Variants in PRKN observed in about 807,000 individuals in gnomAD.
PRKN encodes the protein E3 ubiquitin-protein ligase parkin.
In PRKN, 56 loss-of-function variants were observed where a neutral mutation model predicts 59.5. The observed-to-expected ratio is 0.94, with a 90% CI of 0.76 to 1.18. The LOEUF is 1.18. PRKN is among the 50% of genes most tolerant of loss of function. PRKN has a pLI of 0.00. For synonymous variants in PRKN, 250 were observed against 222.1 expected (o/e 1.13, Z -1.12); for missense variants, 657 against 596.4 (o/e 1.10, Z -1.06).
rs115045111 is a variant in PRKN, at chr6:161,500,088, G to T, written c.1083+48766C>A. Among the ~76,000 whole-genome samples the T allele has an allele frequency of 4.7e-3, 712 of 152,218 alleles. 7 individuals carry two copies. The highest frequency in any genetic ancestry group is 0.017 in the Middle Eastern group (5 of 294). ...AGTTGAAATGTTAATGAAAATCAAT[G>T]CATCCTTACTATTATCTAAAGTCAG... On this transcript the variant is annotated intron_variant, in intron 9 of 11. Transcript: ENST00000366898.
intron 9 of PRKN, among the ~76,000 whole-genome samples, chr6:161,437,239 G>A (rs1009469248): frequency 1.3e-5 from 2 of 152,064 alleles, no homozygotes; most frequent in African/African-American, 4.8e-5. Context: ...ATTGTCCTGC[G>A]CTCATCCTTC....
intron 9 of PRKN, among the ~76,000 whole-genome samples, chr6:161,404,096 G>A (rs1055886580): frequency 5.3e-5 from 8 of 152,020 alleles, no homozygotes; most frequent in Non-Finnish European, 1.0e-4. Context: ...CCCAGGCCTG[G>A]GTTTGCTGTT....
chr6:162,093,560 T>C (rs1008621374), intron 4 of PRKN, among the ~76,000 whole-genome samples: 4 of 152,162 alleles, frequency 2.6e-5, no homozygotes, highest in African/African-American at 7.2e-5. Flanking sequence ...ATTTAGCCCA[T>C]TACTTTGGTT....
chr6:161,484,159 C>A lies in PRKN; in HGVS notation c.1083+64695G>T, dbSNP rs1257639811. On this transcript the variant is annotated intron_variant, in intron 9 of 11. Transcript: ENST00000366898. The surrounding 1 kb of genome is among the most constrained non-coding windows in gnomAD (Gnocchi z 4.9). ...ATATAACAAACCTGCACATCCTGCA[C>A]ATGTACCCCTGAACTTAAAATGAAA... 6.6e-6 allele frequency among the ~76,000 whole-genome samples: 1 copy of A among 152,110 alleles called. No individual in the cohort carries two copies. Among genetic ancestry groups the A allele is most frequent in the Non-Finnish European group, 1.5e-5 (1 of 68,024 alleles).
At chr6:162,438,856 C>A (rs932598027) in intron 2 of PRKN, among the ~76,000 whole-genome samples, 1 of 152,190 alleles carries the variant, frequency 6.6e-6, no homozygotes, top group Non-Finnish European at 1.5e-5. Context: ...AAGTTTCCAA[C>A]ACTTATTTCT....
chr6:162,552,729 G>A (rs972364205), intron 1 of PRKN, among the ~76,000 whole-genome samples: 4 of 152,104 alleles, frequency 2.6e-5, no homozygotes, highest in African/African-American at 7.2e-5. Context: ...GGAGTCATTA[G>A]CATATAGATG....
rs201640028 is a variant in PRKN at position 161,678,568 on chromosome 6, A to ATTTT, written c.871+107200_871+107203dup. 1.2e-3 allele frequency among the ~76,000 whole-genome samples: 148 copies of ATTTT among 121,402 alleles called. 4 individuals are homozygous for ATTTT. The highest frequency in any genetic ancestry group is 3.5e-3 in the African/African-American group (101 of 28,694). The allele number at this position is 121,402 out of a possible 152,430, so 79.6% of individuals were successfully genotyped here. ...AATTCCACTCTTATTTTGGTGCCTG[A>ATTTT]TTTTTTTTTTTTTTTTTTTTTGAGA... On this transcript the variant is annotated intron_variant, in intron 7 of 11. Transcript: ENST00000366898.
At chr6:162,027,751 G>A (rs1783490169) in intron 5 of PRKN, among the ~76,000 whole-genome samples, 1 of 151,868 alleles carries the variant, frequency 6.6e-6, no homozygotes, top group African/African-American at 2.4e-5. Context: ...GAAGGGGCAT[G>A]CTTATTTCTA....
At chr6:161,472,894 C>T (rs981059271) in intron 9 of PRKN, among the ~76,000 whole-genome samples, 5 of 152,020 alleles carry the variant, frequency 3.3e-5, no homozygotes, top group African/African-American at 9.7e-5. Context: ...AACAGGCATA[C>T]GAAAAGGTAA....
rs10557222 is a variant in PRKN, at chr6:162,166,047, CAAAAAA to C, written c.534+35078_534+35083del. Among the ~76,000 whole-genome samples the C allele has an allele frequency of 5.1e-3, 413 of 80,198 alleles. 2 individuals are homozygous for C. Among genetic ancestry groups the C allele is most frequent in the Middle Eastern group, 0.021 (3 of 140 alleles). The allele number at this position is 80,198 out of a possible 152,430, so 52.6% of individuals were successfully genotyped here. ...TGGGCAACAGAGCGAGACTCTATCTCAAAAAAAAAAAAAAAAAAAAAAAAGAGAAAT... is the reference window on the plus strand; with the variant it reads ...TGGGCAACAGAGCGAGACTCTATCTCAAAAAAAAAAAAAAAAAAGAGAAAT... On this transcript the variant is annotated intron_variant, in intron 4 of 11. Transcript: ENST00000366898.
chr6:162,594,861 T>C (rs1188233506), intron 1 of PRKN, among the ~76,000 whole-genome samples: 1 of 152,208 alleles, frequency 6.6e-6, no homozygotes, highest in African/African-American at 2.4e-5. Flanking sequence ...GAGCTTATTT[T>C]CTCTCTGAAT....
At position 161,774,381 on chromosome 6, in the gene PRKN, AGCAC is replaced by A. The variant is rs1211264573; in HGVS notation, c.871+11387_871+11390del. ...CCTCCCCCATCCTTTCTACTCCCTG[AGCAC>A]ACACACACACACACACACACACACA... On this transcript the variant is annotated intron_variant, in intron 7 of 11. Coordinates refer to ENST00000366898, the MANE Select transcript of PRKN (RefSeq NM_004562.3). Among the ~76,000 whole-genome samples, 559 of 89,162 alleles carry A rather than the reference AGCAC, an allele frequency of 6.3e-3. 8 individuals carry two copies. Among genetic ancestry groups the A allele is most frequent in the African/African-American group, 0.02 (544 of 27,492 alleles). 58.5% of individuals were successfully genotyped at this position (89,162 alleles called of 152,430 possible). A position where few individuals can be genotyped will look rare whatever the true frequency, so the allele number is the denominator to read the frequency against.
intron 7 of PRKN, among the ~76,000 whole-genome samples, chr6:161,596,162 A>G (rs1351314246): frequency 6.6e-6 from 1 of 152,170 alleles, no homozygotes; most frequent in East Asian, 1.9e-4. Flanking sequence ...GTTTCGACAC[A>G]TTCTTGGCAC....
chr6:162,136,877 C>T (rs968618781), intron 4 of PRKN, among the ~76,000 whole-genome samples: 2 of 152,064 alleles, frequency 1.3e-5, no homozygotes, highest in East Asian at 3.9e-4. Context: ...TGTAACAACA[C>T]AGATAACTCC....
chr6:162,503,639 AT>A (rs1380421965), intron 1 of PRKN, among the ~76,000 whole-genome samples: 1 of 152,218 alleles, frequency 6.6e-6, no homozygotes, highest in Non-Finnish European at 1.5e-5. Context: ...AACCATTTGA[AT>A]ATAAAAGCCT....
rs372844973 is a variant in PRKN, at chr6:161,488,814, A to G, written c.1083+60040T>C. Among the ~76,000 whole-genome samples, 1 of 152,160 alleles carries G rather than the reference A, an allele frequency of 6.6e-6. No individual in the cohort carries two copies. On this transcript the variant is annotated intron_variant, in intron 9 of 11. Coordinates refer to ENST00000366898, the MANE Select transcript of PRKN (RefSeq NM_004562.3). This position sits in a 1 kb window ranked among gnomAD's most constrained non-coding sequence, Gnocchi z 4.5. Reference sequence around the variant, plus strand: ...AAGGAATTTTTGACAGTGAATCTTGACTACTAAGAGACTAGGGGACCATGA... The same window carrying G: ...AAGGAATTTTTGACAGTGAATCTTGGCTACTAAGAGACTAGGGGACCATGA...
intron 6 of PRKN, among the ~76,000 whole-genome samples, chr6:161,906,865 A>G (rs1357702840): frequency 6.6e-6 from 1 of 151,944 alleles, no homozygotes; most frequent in Non-Finnish European, 1.5e-5. Context: ...AGTTTCCAGC[A>G]CGGGAGAAAG....
intron 6 of PRKN, among the ~76,000 whole-genome samples, chr6:161,817,250 G>A (rs994202806): frequency 6.6e-5 from 10 of 152,144 alleles, no homozygotes; most frequent in African/African-American, 2.4e-4. Context: ...GATAAACTCT[G>A]GGCATGAATC....
chr6:161,565,470 G>A (rs117854466), intron 8 of PRKN, among the ~76,000 whole-genome samples: 3 of 152,120 alleles, frequency 2.0e-5, no homozygotes, highest in Non-Finnish European at 1.5e-5. Context: ...GAAGTGATTG[G>A]ATCATGGGGA....
Sources: allele counts gnomAD v4.1 joint callset (sites outside exome capture counted in the v4.1 genomes callset), GRCh38; gene constraint gnomAD v4.1.1; non-coding constraint Gnocchi (gnomAD v3.1); transcripts MANE v1.5; gene names NCBI Gene and HGNC (gene_info 2026-07-23, HGNC 2026-07-21).